Variants in SNRNP25 observed in about 807,000 individuals in gnomAD.
SNRNP25 encodes the protein U11/U12 small nuclear ribonucleoprotein 25 kDa protein.
Under a neutral mutation model 23.9 loss-of-function variants are expected in SNRNP25, and 21 were observed. The observed-to-expected ratio is 0.88, with a 90% CI of 0.62 to 1.27. The LOEUF (loss-of-function observed/expected upper bound fraction) is 1.27, where lower values mean the gene tolerates loss of function less well. SNRNP25 is among the 50% of genes most tolerant of loss of function. The pLI is 0.00. For missense variants in SNRNP25, 160 were observed against 156.9 expected, an observed-to-expected ratio of 1.02 and a Z score of -0.11; for synonymous variants, 63 against 60.4, an observed-to-expected ratio of 1.04 and a Z score of -0.20.
chr16:57,111 G>C lies in SNRNP25; in HGVS notation c.340G>C (p.Val114Leu). 2 of 1,614,074 alleles carry C rather than the reference G, an allele frequency of 1.2e-6. No homozygotes were observed. The highest frequency in any genetic ancestry group is 1.1e-5 in the South Asian group (1 of 91,092). The change falls in exon 5 of 5, where the codon GTT becomes CTT. Residue 114 changes from valine to leucine, a missense_variant. Transcript: ENST00000293861. ...CTACGGCATCCGGAATCGAGACGAGGTTTCCTTCATCAAAAAGCTGAGGCA... is the reference window on the plus strand; with the variant it reads ...CTACGGCATCCGGAATCGAGACGAGCTTTCCTTCATCAAAAAGCTGAGGCA... ...RDYGIRNRDE[V>L]SFIKKLRQK
At position 57,431 on chromosome 16, in the gene SNRNP25, C is replaced by T. The variant is rs190724242; in HGVS notation, c.*288C>T. The T allele has an allele frequency of 2.2e-6, 1 of 463,630 alleles. No individual in the cohort carries two copies. Among genetic ancestry groups the T allele is most frequent in the Non-Finnish European group, 3.9e-6 (1 of 256,358 alleles). 28.7% of individuals were successfully genotyped at this position (463,630 alleles called of 1,614,324 possible). A position where few individuals can be genotyped will look rare whatever the true frequency, so the allele number is the denominator to read the frequency against. On this transcript the variant is annotated 3_prime_UTR_variant, in exon 5 of 5. Transcript: ENST00000293861. ...GCCTGGCCCACTGTATAAAATAAAC[C>T]TGTTTGCTTCTTAGTTTGAAAAGTA...
Position 55,814 on chromosome 16 carries a change from G to T in SNRNP25, c.171G>T (p.Leu57=), listed in dbSNP as rs79411281. 1 of 1,614,202 alleles carries T rather than the reference G, an allele frequency of 6.2e-7. No homozygotes were observed. The highest frequency in any genetic ancestry group is 8.5e-7 in the Non-Finnish European group (1 of 1,180,020). ...VVVQSATVLD[L]KKAIQRYVQL... Reference sequence around the variant, plus strand: ...TGCAGAGTGCCACAGTCCTGGACCTGAAGAAGGCCATCCAGAGATACGTGC... The same window carrying T: ...TGCAGAGTGCCACAGTCCTGGACCTTAAGAAGGCCATCCAGAGATACGTGC... Residue 57 remains leucine, a synonymous_variant, in exon 3 of 5, where the codon CTG becomes CTT. Transcript: ENST00000293861.
intron 4 of SNRNP25, among the ~76,000 whole-genome samples, 164 bp from the exon 5 acceptor site, chr16:56,922 T>G (rs1284711065): frequency 7.0e-6 from 1 of 143,832 alleles, no homozygotes; most frequent in East Asian, 2.1e-4. Flanking sequence ...TGAGTCGGAG[T>G]GCTTCTGGGT....
In SNRNP25 at chr16:55,448, G is replaced by A. The variant is rs1897394228; in HGVS notation, c.43-11G>A. On this transcript the variant is annotated splice_polypyrimidine_tract_variant and intron_variant, in intron 1 of 4. Transcript: ENST00000293861. ...GCCAGGGTTCCCACTTCTGCCCTTG[G>A]TCTTTTGTAGGTTACTCTGGAAGAA... 1 of 1,613,542 alleles carries A rather than the reference G, an allele frequency of 6.2e-7. No homozygotes were observed. The highest frequency in any genetic ancestry group is 1.1e-5 in the South Asian group (1 of 91,080).
chr16:53,956 G>C lies in SNRNP25; in HGVS notation c.-61G>C. ...GGCCCGAGGCGCAAGAGGAAGATGA[G>C]GACGAAGAAGAGGCGCTGCCGCACT... On this transcript the variant is annotated 5_prime_UTR_variant, in exon 1 of 5. Transcript: ENST00000293861. The C allele has an allele frequency of 6.3e-6, 10 of 1,594,864 alleles. No homozygotes were observed. Among genetic ancestry groups the C allele is most frequent in the Non-Finnish European group, 8.5e-6 (10 of 1,172,056 alleles).
At chr16:56,261 TCTC>T in intron 3 of SNRNP25, 3 of 695,444 alleles carry the variant, frequency 4.3e-6, no homozygotes, top group Non-Finnish European at 8.1e-6. Flanking sequence ...CAGCCCTCAC[TCTC>T]CTATTGGATC....
At chr16:56,473 G>T (rs372830289) in intron 3 of SNRNP25, 66 bp from the exon 4 acceptor site, 1 of 1,517,212 alleles carries the variant, frequency 6.6e-7, no homozygotes. Flanking sequence ...TCAAGCCCAC[G>T]TCATGCAGAG....
Position 56,054 on chromosome 16 carries a change from G to A in SNRNP25, c.239+172G>A, listed in dbSNP as rs536048774. On this transcript the variant is annotated intron_variant, in intron 3 of 4. Transcript: ENST00000293861. ...ATGAGCTCCCTGTCACAGACAGTGCGGGTCGTTCTGTGCCTGGGACTCCTG... is the reference window on the plus strand; with the variant it reads ...ATGAGCTCCCTGTCACAGACAGTGCAGGTCGTTCTGTGCCTGGGACTCCTG... 174 of 679,148 alleles carry A rather than the reference G, an allele frequency of 2.6e-4. 1 individual carries two copies. In the African/African-American group the frequency reaches 2.7e-3, roughly 10 times the overall value. The allele number at this position is 679,148 out of a possible 1,614,324, so 42.1% of individuals were successfully genotyped here.
At chr16:55,971 TCTCAG>T in intron 3 of SNRNP25, 89 bp downstream of exon 3, 1 of 1,181,858 alleles carries the variant, frequency 8.5e-7, no homozygotes. Context: ...TGGAAACAGC[TCTCAG>T]CTCTGCATGA....
chr16:57,223 C>G lies in SNRNP25; in HGVS notation c.*80C>G. The G allele has an allele frequency of 6.8e-7, 1 of 1,465,030 alleles. No individual in the cohort carries two copies. 90.8% of individuals were successfully genotyped at this position (1,465,030 alleles called of 1,614,324 possible). A position where few individuals can be genotyped will look rare whatever the true frequency, so the allele number is the denominator to read the frequency against. ...GGAATGGGTCCTCGAATCATCGTGC[C>G]TCTTTCACAGAAAGGACGTTGTGGT... On this transcript the variant is annotated 3_prime_UTR_variant, in exon 5 of 5. Coordinates refer to ENST00000293861, the MANE Select transcript of SNRNP25 (RefSeq NM_024571.4).
chr16:55,649 G>T, intron 2 of SNRNP25, 100 bp downstream of exon 2: 1 of 1,546,544 alleles, frequency 6.5e-7, no homozygotes, highest in Non-Finnish European at 8.9e-7. Context: ...CACAGGCCAT[G>T]CCCAGGGGTA....
In SNRNP25 at chr16:56,500, G is replaced by A. The variant is rs779398107; in HGVS notation, c.240-39G>A. Reference sequence around the variant, plus strand: ...CATGCAGAGCCACTCAGCTCACCCTGCTCAGGGCACGTGGTTTACCTGCAT... The same window carrying A: ...CATGCAGAGCCACTCAGCTCACCCTACTCAGGGCACGTGGTTTACCTGCAT... On this transcript the variant is annotated intron_variant, in intron 3 of 4. Coordinates refer to ENST00000293861, the MANE Select transcript of SNRNP25 (RefSeq NM_024571.4). 2.2e-5 allele frequency: 35 copies of A among 1,607,190 alleles called. No homozygotes were observed. In the South Asian group the frequency reaches 3.6e-4, roughly 17 times the overall value.
At chr16:56,363 A>T (rs1334268213) in intron 3 of SNRNP25, 176 bp from the exon 4 acceptor site, 1 of 733,216 alleles carries the variant, frequency 1.4e-6, no homozygotes, top group Non-Finnish European at 2.5e-6. Context: ...CCCTCTGAGA[A>T]CAGAGCCTCC....
Position 55,860 on chromosome 16 carries a change from G to C in SNRNP25, c.217G>C (p.Gly73Arg). The C allele has an allele frequency of 6.2e-7, 1 of 1,614,138 alleles. No homozygotes were observed. The highest frequency in any genetic ancestry group is 8.5e-7 in the Non-Finnish European group (1 of 1,180,004). ...CGTGCAGCTCAAGCAGGAGCGTGAA[G>C]GGGGCATTCAGCACATCAGCTGGTA... ...RYVQLKQERE[G>R]GIQHISWSYV... Residue 73 changes from glycine (G) to arginine (R), a missense_variant, in exon 3 of 5, where the codon GGG (glycine) becomes CGG (arginine). Transcript: ENST00000293861.
chr16:57,436 T>A lies in SNRNP25; in HGVS notation c.*293T>A. On this transcript the variant is annotated 3_prime_UTR_variant, in exon 5 of 5. Coordinates refer to ENST00000293861, the MANE Select transcript of SNRNP25 (RefSeq NM_024571.4). ...GCCCACTGTATAAAATAAACCTGTT[T>A]GCTTCTTAGTTTGAAAAGTAGAAAG... 2.2e-6 allele frequency: 1 copy of A among 448,622 alleles called. No individual in the cohort carries two copies. Among genetic ancestry groups the A allele is most frequent in the Non-Finnish European group, 4.0e-6 (1 of 247,236 alleles). 27.8% of individuals were successfully genotyped at this position (448,622 alleles called of 1,614,324 possible).
intron 2 of SNRNP25, 30 bp from the exon 3 acceptor site, chr16:55,747 A>G (rs1567109589): frequency 2.2e-5 from 36 of 1,611,196 alleles, no homozygotes; most frequent in Non-Finnish European, 2.8e-5. Context: ...CTCACCATGG[A>G]TCTTCTCCCA....
At chr16:56,750 C>T in intron 4 of SNRNP25, 137 bp downstream of exon 4, 1 of 924,594 alleles carries the variant, frequency 1.1e-6, no homozygotes, top group South Asian at 1.6e-5. Context: ...GGGCCCTCCC[C>T]ACTAGGAGAA....
Position 57,491 on chromosome 16 carries a change from A to G in SNRNP25, c.*348A>G, listed in dbSNP as rs1897429052. 2 of 337,308 alleles carry G rather than the reference A, an allele frequency of 5.9e-6. No individual in the cohort carries two copies. The highest frequency in any genetic ancestry group is 4.1e-5 in the Admixed American group (1 of 24,416). The allele number at this position is 337,308 out of a possible 1,614,324, so 20.9% of individuals were successfully genotyped here. On this transcript the variant is annotated 3_prime_UTR_variant, in exon 5 of 5. Coordinates refer to ENST00000293861, the MANE Select transcript of SNRNP25 (RefSeq NM_024571.4). ...AGTAACCTGGGTAGCAAAGACTGAG[A>G]TTGCCCCATCACAGAGGTGAGTTAA...
intron 1 of SNRNP25, among the ~76,000 whole-genome samples, chr16:54,529 G>A (rs1897382395): frequency 6.6e-6 from 1 of 151,024 alleles, no homozygotes; most frequent in Non-Finnish European, 1.5e-5. Context: ...GGATTTAGGT[G>A]TGAGCCACCC....
Sources: gnomAD v4.1 joint callset for allele counts (sites outside exome capture counted in the v4.1 genomes callset) on GRCh38, gnomAD v4.1.1 for gene constraint, MANE v1.5 for transcripts, NCBI Gene and HGNC (gene_info 2026-07-23, HGNC 2026-07-21) for gene names.